Variants in CYP3A5 observed in about 807,000 individuals in gnomAD.
CYP3A5 encodes cytochrome P450 family 3 subfamily A member 5.
Under a neutral mutation model 55.9 loss-of-function variants are expected in CYP3A5, and 51 were observed. The observed-to-expected ratio is 0.91, with a 90% CI of 0.73 to 1.15. The LOEUF (loss-of-function observed/expected upper bound fraction) is 1.15, where lower values mean the gene tolerates loss of function less well. Among genes scored for constraint, CYP3A5 ranks in the 50% most tolerant of loss-of-function variants. CYP3A5 has a pLI of 0.00. For synonymous variants in CYP3A5, 196 were observed against 213.9 expected (o/e 0.92, Z 0.73); for missense variants, 533 against 596.6 (o/e 0.89, Z 1.11).
In CYP3A5 at chr7:99,674,588, G is replaced by A. The variant is rs1221265115; in HGVS notation, c.166-3C>T. The A allele has an allele frequency of 6.2e-7, 1 of 1,612,324 alleles. No homozygotes were observed. Among genetic ancestry groups the A allele is most frequent in the East Asian group, 2.2e-5 (1 of 44,860 alleles). ...TCTGTGTCAAATTTCCAGAGACCCT[G>A]GGAGAGGAAACAAAATACAAGTTGA... On this transcript the variant is annotated splice_region_variant and splice_polypyrimidine_tract_variant and intron_variant, in intron 2 of 12. Coordinates refer to ENST00000222982, the MANE Select transcript of CYP3A5 (RefSeq NM_000777.5).
At chr7:99,672,138 G>A (rs1481086786) in intron 4 of CYP3A5, among the ~76,000 whole-genome samples, 3 of 151,940 alleles carry the variant, frequency 2.0e-5, no homozygotes, top group Non-Finnish European at 2.9e-5. Flanking sequence ...TGCAACCTCC[G>A]CCTCCCAGGT....
intron 10 of CYP3A5, among the ~76,000 whole-genome samples, chr7:99,656,290 A>G (rs1371263085): frequency 6.6e-6 from 1 of 152,202 alleles, no homozygotes; most frequent in East Asian, 1.9e-4. Flanking sequence ...TTTAGCATGA[A>G]GGGCTGTTGA....
chr7:99,667,121 G>C, intron 4 of CYP3A5, 56 bp from the exon 5 acceptor site: 1 of 1,497,338 alleles, frequency 6.7e-7, no homozygotes, highest in Non-Finnish European at 9.2e-7. Flanking sequence ...CTTCATGGTT[G>C]CACAAAATAT....
At chr7:99,666,476 G>T in intron 6 of CYP3A5, 125 bp downstream of exon 6, 1 of 1,051,148 alleles carries the variant, frequency 9.5e-7, no homozygotes, top group Non-Finnish European at 1.5e-6. Flanking sequence ...GCTCTTTGGA[G>T]TTGCAGCGCT....
At chr7:99,674,388 C>T in intron 3 of CYP3A5, 145 bp downstream of exon 3, 4 of 565,514 alleles carry the variant, frequency 7.1e-6, no homozygotes, top group Non-Finnish European at 9.3e-6. Context: ...AAGTAATTAT[C>T]CTCTTCTTTC....
In CYP3A5 at chr7:99,676,124, G is replaced by C. The variant is rs772509233; in HGVS notation, c.156C>G (p.Ser52=). The C allele has an allele frequency of 6.8e-6, 11 of 1,613,592 alleles. No individual in the cohort carries two copies. Among genetic ancestry groups the C allele is most frequent in the Non-Finnish European group, 9.3e-6 (11 of 1,179,760 alleles). The change falls in exon 2 of 13, where the codon TCC becomes TCG. Residue 52 remains serine (S), a synonymous_variant. Coordinates refer to ENST00000222982, the MANE Select transcript of CYP3A5 (RefSeq NM_000777.5). ...TPLPLLGNVL[S]YRQGLWKFDT... ...AGCTCAAGCAACTCACCTGACGATA[G>C]GACAAAACATTTCCCAACAAAGGCA...
intron 11 of CYP3A5, among the ~76,000 whole-genome samples, chr7:99,651,682 C>G (rs1809206919): frequency 6.6e-6 from 1 of 152,204 alleles, no homozygotes; most frequent in South Asian, 2.1e-4. Context: ...AATCACCAGC[C>G]AGTACCCTAA....
rs1231146031 is a variant in CYP3A5, at chr7:99,679,854, G to A, written c.43C>T (p.Leu15=). Residue 15 remains leucine, a synonymous_variant, in exon 1 of 13, where the codon CTG becomes TTG. Coordinates refer to ENST00000222982, the MANE Select transcript of CYP3A5 (RefSeq NM_000777.5). ...TAGAGGAGCACCAGGCTGACAGCCA[G>A]GAGAAGCCAGGTTTCCACCGCCAAA... ...PNLAVETWLL[L]AVSLVLLYLY... is the part of the protein sequence containing the mutation. The A allele has an allele frequency of 5.6e-6, 9 of 1,614,120 alleles. No individual in the cohort carries two copies. In the South Asian group the frequency reaches 7.7e-5, roughly 14 times the overall value.
In CYP3A5 at chr7:99,662,078, T is replaced by C. The variant is rs1298732183; in HGVS notation, c.865+738A>G. Among the ~76,000 whole-genome samples the C allele has an allele frequency of 6.6e-6, 1 of 152,202 alleles. No homozygotes were observed. Among genetic ancestry groups the C allele is most frequent in the Non-Finnish European group, 1.5e-5 (1 of 68,034 alleles). ...TGATAAATTATAGGCAGATAGATGA[T>C]TGACAGATAGATAGACAGACAGAAG... On this transcript the variant is annotated intron_variant, in intron 9 of 12. Transcript: ENST00000222982. The surrounding 1 kb of genome is among the most constrained non-coding windows in gnomAD (Gnocchi z 4.3).
chr7:99,676,556 G>A lies in CYP3A5; in HGVS notation c.72-348C>T, dbSNP rs560752895. On this transcript the variant is annotated intron_variant, in intron 1 of 12. Transcript: ENST00000222982. ...TGTCTGTTTAGTAAGTGGACTCTTC[G>A]CTGATTTGGGGACTCTCATCCTAGG... 46 of 1,358,240 alleles carry A rather than the reference G, an allele frequency of 3.4e-5. No homozygotes were observed. In the South Asian group the frequency reaches 4.2e-4, roughly 12 times the overall value. The allele number at this position is 1,358,240 out of a possible 1,614,324, so 84.1% of individuals were successfully genotyped here.
chr7:99,678,568 G>T (rs180992986), intron 1 of CYP3A5, among the ~76,000 whole-genome samples: 1 of 152,194 alleles, frequency 6.6e-6, no homozygotes, highest in Non-Finnish European at 1.5e-5. Context: ...TTCAGGAAAG[G>T]TGACATTATT....
chr7:99,652,155 CA>C (rs1382666741), intron 11 of CYP3A5: 1 of 148,728 alleles, frequency 6.7e-6, no homozygotes, highest in African/African-American at 2.5e-5. Context: ...ATGGCATATG[CA>C]ATATATACAT....
Position 99,665,334 on chromosome 7 carries a change from G to T in CYP3A5, c.522-20C>A. The T allele has an allele frequency of 6.2e-7, 1 of 1,613,822 alleles. No homozygotes were observed. On this transcript the variant is annotated intron_variant, in intron 6 of 12. Coordinates refer to ENST00000222982, the MANE Select transcript of CYP3A5 (RefSeq NM_000777.5). ...AAGATGCTGAGTGGAGAAAGATATG[G>T]AAAATTAAAATCAGCACCTCTTACC... is the stretch of plus-strand genomic sequence containing the variant.
rs1584472266 is a variant in CYP3A5, at chr7:99,674,683, GC to G, written c.166-99del. 110 of 957,248 alleles carry G rather than the reference GC, an allele frequency of 1.1e-4. No individual in the cohort carries two copies. In the East Asian group the frequency reaches 2.9e-3, roughly 25 times the overall value. The allele number at this position is 957,248 out of a possible 1,614,324, so 59.3% of individuals were successfully genotyped here. A position where few individuals can be genotyped will look rare whatever the true frequency, so the allele number is the denominator to read the frequency against. On this transcript the variant is annotated intron_variant, in intron 2 of 12. Coordinates refer to ENST00000222982, the MANE Select transcript of CYP3A5 (RefSeq NM_000777.5). ...AAACAGTTGCGTCCAATGAAATCAG[GC>G]CTGCTATCTTTCACTGGCAGTTGAA...
In CYP3A5 at chr7:99,650,245, T is replaced by C; in HGVS notation, c.1254-13A>G. The C allele has an allele frequency of 6.2e-7, 1 of 1,610,826 alleles. No homozygotes were observed. Among genetic ancestry groups the C allele is most frequent in the Non-Finnish European group, 8.5e-7 (1 of 1,177,968 alleles). On this transcript the variant is annotated splice_polypyrimidine_tract_variant and intron_variant, in intron 11 of 12. Transcript: ENST00000222982. Reference sequence around the variant, plus strand: ...CTTCTTACTGAACCTAGTTCCATATTGGTAGATTAAATAGTTAATGAAACA... The same window carrying C: ...CTTCTTACTGAACCTAGTTCCATATCGGTAGATTAAATAGTTAATGAAACA...
At chr7:99,652,514 C>T (rs1471556440) in intron 11 of CYP3A5, 39 bp downstream of exon 11, 12 of 1,450,698 alleles carry the variant, frequency 8.3e-6, no homozygotes, top group Non-Finnish European at 1.1e-5. Context: ...TTGAACCAGC[C>T]TGGGTCAGGG....
intron 11 of CYP3A5, among the ~76,000 whole-genome samples, chr7:99,650,683 T>C (rs1215148428): frequency 2.6e-5 from 4 of 152,174 alleles, no homozygotes; most frequent in Admixed American, 1.3e-4. Flanking sequence ...TTCCTTCTCC[T>C]GTCATCTCTT....
intron 1 of CYP3A5, among the ~76,000 whole-genome samples, chr7:99,677,612 CTG>C (rs1457045770): frequency 6.6e-6 from 1 of 152,152 alleles, no homozygotes; most frequent in Non-Finnish European, 1.5e-5. Context: ...TAAAATAAAA[CTG>C]AGAAATTACA....
chr7:99,670,457 C>G (rs1811490644), intron 4 of CYP3A5, among the ~76,000 whole-genome samples: 1 of 152,138 alleles, frequency 6.6e-6, no homozygotes, highest in South Asian at 2.1e-4. Context: ...CCTTGCTTTT[C>G]AATTTGATAC....
Sources: gnomAD v4.1 joint callset for allele counts (sites outside exome capture counted in the v4.1 genomes callset) on GRCh38, gnomAD v4.1.1 for gene constraint, Gnocchi (gnomAD v3.1) non-coding constraint, MANE v1.5 for transcripts, NCBI Gene and HGNC (gene_info 2026-07-23, HGNC 2026-07-21) for gene names.